MYO16: variants seen among roughly 807,000 people sequenced by gnomAD.
The protein encoded by MYO16 is myosin XVI, also known as unconventional myosin-XVI.
MYO16 carries 94 observed loss-of-function variants against 205.3 expected under a neutral mutation model. That is an observed-to-expected ratio of 0.46 (90% CI 0.39 to 0.54). The LOEUF is 0.54. MYO16 is among the 20% of genes least tolerant of loss of function. The pLI is 0.00. For missense variants in MYO16, 2,315 were observed against 2,387.5 expected, an observed-to-expected ratio of 0.97 and a Z score of 0.63; for synonymous variants, 988 against 954.0, an observed-to-expected ratio of 1.04 and a Z score of -0.66.
chr13:108,603,325 T>A (rs1163368210), intron 1 of MYO16, among the ~76,000 whole-genome samples: 1 of 152,192 alleles, frequency 6.6e-6, no homozygotes, highest in Non-Finnish European at 1.5e-5. Flanking sequence ...ATAGAGATAG[T>A]GCATGTGTTC....
chr13:108,869,731 TAAAAAAAAAAAAAAA>T (rs68025820), intron 12 of MYO16, among the ~76,000 whole-genome samples: 1 of 67,022 alleles, frequency 1.5e-5, no homozygotes, highest in Non-Finnish European at 2.8e-5. Context: ...ACTCCGTTTC[TAAAAAAAAAAAAAAA>T]AAAAAAAAAA....
intron 20 of MYO16, among the ~76,000 whole-genome samples, chr13:108,977,591 T>TA (rs1413831923): frequency 2.0e-5 from 3 of 151,996 alleles, no homozygotes; most frequent in Non-Finnish European, 4.4e-5. Context: ...TTATATTTTT[T>TA]TAAAAAAAAC....
intron 7 of MYO16, among the ~76,000 whole-genome samples, chr13:108,811,730 A>G (rs1380358366): frequency 6.6e-6 from 1 of 152,046 alleles, no homozygotes; most frequent in Non-Finnish European, 1.5e-5. Context: ...TTAAGCTATA[A>G]TCACCACCAG....
intron 28 of MYO16, chr13:109,101,549 CAGG>C (rs889456227): frequency 1.3e-5 from 2 of 152,140 alleles, no homozygotes; most frequent in African/African-American, 4.8e-5. Context: ...TTACCAGAAA[CAGG>C]AGAAGATGGT....
At chr13:109,026,100 T>G (rs1035610172) in intron 23 of MYO16, among the ~76,000 whole-genome samples, 3 of 152,262 alleles carry the variant, frequency 2.0e-5, no homozygotes, top group Non-Finnish European at 4.4e-5. Context: ...CCTAAGATGA[T>G]GCATCCCTGT....
intron 4 of MYO16, among the ~76,000 whole-genome samples, chr13:108,750,978 T>G (rs997086664): frequency 6.6e-6 from 1 of 152,134 alleles, no homozygotes; most frequent in Non-Finnish European, 1.5e-5. Context: ...ACAATATCAG[T>G]ATGAACTCAT....
the MYO16 span, among the ~76,000 whole-genome samples, chr13:108,583,807 T>A: frequency 6.6e-6 from 1 of 152,200 alleles, no homozygotes; most frequent in African/African-American, 2.4e-5. Flanking sequence ...ACCTTCAATA[T>A]CATCGGGAAG....
chr13:108,938,340 C>T (rs1046207726), intron 16 of MYO16, among the ~76,000 whole-genome samples: 2 of 152,204 alleles, frequency 1.3e-5, no homozygotes, highest in Non-Finnish European at 2.9e-5. Context: ...TTGCCTCAGG[C>T]ACTGGGCTGA....
chr13:109,060,217 C>A (rs1887545694), intron 27 of MYO16, among the ~76,000 whole-genome samples: 2 of 152,100 alleles, frequency 1.3e-5, no homozygotes, highest in Admixed American at 1.3e-4. Flanking sequence ...TTTGCAATAG[C>A]AAAGACTGGA....
intron 2 of MYO16, among the ~76,000 whole-genome samples, chr13:108,704,322 C>T (rs1883421648): frequency 6.6e-6 from 1 of 151,968 alleles, no homozygotes; most frequent in African/African-American, 2.4e-5. Context: ...ATAACTAAAG[C>T]AGTTCTTAAA....
At chr13:108,778,529 G>C (rs1886196540) in intron 4 of MYO16, among the ~76,000 whole-genome samples, 1 of 152,236 alleles carries the variant, frequency 6.6e-6, no homozygotes, top group African/African-American at 2.4e-5. Flanking sequence ...TGAGGCAGGA[G>C]AATCGCTTGA....
chr13:109,010,320 A>G (rs1321880068), intron 22 of MYO16, among the ~76,000 whole-genome samples: 1 of 152,196 alleles, frequency 6.6e-6, no homozygotes, highest in Non-Finnish European at 1.5e-5. Context: ...ACAAGTTTTC[A>G]AAGTCTAAAA....
At chr13:108,898,175 C>A in intron 15 of MYO16, 42 bp downstream of exon 15, 1 of 1,467,720 alleles carries the variant, frequency 6.8e-7, no homozygotes, top group Non-Finnish European at 9.5e-7. Context: ...TGTGCCGAGC[C>A]AGCATGCGAC....
intron 34 of MYO16, among the ~76,000 whole-genome samples, chr13:109,183,446 C>T (rs1879542479): frequency 6.6e-6 from 1 of 152,114 alleles, no homozygotes; most frequent in South Asian, 2.1e-4. Flanking sequence ...TGGTACTTGC[C>T]CTTGGCATAA....
chr13:109,012,562 T>A (rs569969110), intron 22 of MYO16, among the ~76,000 whole-genome samples: 61 of 152,236 alleles, frequency 4.0e-4, no homozygotes, highest in African/African-American at 1.3e-3. Context: ...TGCACTTGAA[T>A]CATCCTGAAA....
chr13:108,814,742 A>G (rs1358775421), intron 7 of MYO16, among the ~76,000 whole-genome samples: 4 of 152,122 alleles, frequency 2.6e-5, no homozygotes, highest in Non-Finnish European at 5.9e-5. Flanking sequence ...GCAATAGGGC[A>G]TACTATTGAA....
At chr13:108,578,944 T>C in the MYO16 span, among the ~76,000 whole-genome samples, 5 of 150,120 alleles carry the variant, frequency 3.3e-5, no homozygotes, top group African/African-American at 9.7e-5. Context: ...TAAATACATA[T>C]TTATTTTACA....
chr13:109,191,016 C>A (rs529951739), intron 34 of MYO16, among the ~76,000 whole-genome samples: 37 of 151,850 alleles, frequency 2.4e-4, no homozygotes, highest in African/African-American at 7.7e-4. Context: ...GTCAAGAGTT[C>A]GAGACAAGCC....
Position 108,680,904 on chromosome 13 carries a change from C to T in MYO16, c.292+14755C>T, listed in dbSNP as rs958125044. Among the ~76,000 whole-genome samples the T allele has an allele frequency of 3.3e-5, 5 of 152,232 alleles. No homozygotes were observed. In the East Asian group the frequency reaches 5.8e-4, roughly 18 times the overall value. On this transcript the variant is annotated intron_variant, in intron 2 of 34. Coordinates refer to ENST00000457511, the MANE Select transcript of MYO16 (RefSeq NM_001198950.3). ...GTGACTTCTTATACATATATAGTGA[C>T]TTTATTAAAATCTCAATGGCCATTA...
Sources: allele counts gnomAD v4.1 joint callset (sites outside exome capture counted in the v4.1 genomes callset), GRCh38; gene constraint gnomAD v4.1.1; transcripts MANE v1.5; gene names NCBI Gene and HGNC (gene_info 2026-07-23, HGNC 2026-07-21).